The following MALRD1 variants were observed in gnomAD, a reference collection of about 807,000 sequenced individuals.
MALRD1 encodes MAM and LDL-receptor class A domain-containing protein 1.
MALRD1 carries 247 observed loss-of-function variants against 242.1 expected under a neutral mutation model. The observed-to-expected ratio is 1.02, with a 90% CI of 0.92 to 1.13. The LOEUF is 1.13. Among genes scored for constraint, MALRD1 ranks in the 50% most tolerant of loss-of-function variants. The probability of loss-of-function intolerance (pLI) is 0.00; values close to 1 mark genes in which losing one functional copy is unlikely to be tolerated. For missense variants in MALRD1, 2,989 were observed against 2,533.1 expected (o/e 1.18, Z -3.86); for synonymous variants, 995 against 866.6 (o/e 1.15, Z -2.60).
chr10:19,348,075 T>G (rs763955632), intron 25 of MALRD1, 57 bp downstream of exon 25: 15 of 1,503,958 alleles, frequency 1.0e-5, no homozygotes, highest in Non-Finnish European at 1.3e-5. Context: ...GTGAGCAAGT[T>G]TATAAATTGA....
At chr10:19,223,962 G>T (rs1310724377) in intron 18 of MALRD1, among the ~76,000 whole-genome samples, 1 of 152,082 alleles carries the variant, frequency 6.6e-6, no homozygotes, top group Non-Finnish European at 1.5e-5. Flanking sequence ...TGGGCATTTG[G>T]GTTGGTTCCT....
intron 28 of MALRD1, among the ~76,000 whole-genome samples, chr10:19,448,388 G>C (rs1835121612): frequency 6.6e-6 from 1 of 151,956 alleles, no homozygotes; most frequent in African/African-American, 2.4e-5. Context: ...CCAGGACCAA[G>C]GAATATTAAC....
chr10:19,627,675 C>T (rs1839714128), intron 36 of MALRD1, among the ~76,000 whole-genome samples: 1 of 148,942 alleles, frequency 6.7e-6, no homozygotes, highest in South Asian at 2.1e-4. Flanking sequence ...GTAGGAGAAT[C>T]ACTTGAACAC....
intron 31 of MALRD1, among the ~76,000 whole-genome samples, chr10:19,527,021 T>G (rs2131334463): frequency 6.6e-6 from 1 of 152,236 alleles, no homozygotes; most frequent in South Asian, 2.1e-4. Context: ...AGAAAATAAC[T>G]ATGGCTATTT....
At chr10:19,404,335 C>T (rs749802218) in intron 28 of MALRD1, among the ~76,000 whole-genome samples, 6 of 151,800 alleles carry the variant, frequency 4.0e-5, no homozygotes, top group South Asian at 2.1e-4. Context: ...CAGATATCTC[C>T]GTACTTAAAA....
At chr10:19,186,869 A>C (rs1229113393) in intron 14 of MALRD1, among the ~76,000 whole-genome samples, 2 of 152,052 alleles carry the variant, frequency 1.3e-5, no homozygotes, top group Admixed American at 1.3e-4. Flanking sequence ...TTTTCAGGTT[A>C]GCAATGTGTG....
chr10:19,616,379 G>A (rs1255988350), intron 36 of MALRD1, among the ~76,000 whole-genome samples: 1 of 151,956 alleles, frequency 6.6e-6, no homozygotes, highest in Admixed American at 6.6e-5. Context: ...TATAAGTAAA[G>A]TTAAGGTTTA....
chr10:19,180,403 A>C (rs1206725081), intron 14 of MALRD1, among the ~76,000 whole-genome samples: 1 of 152,244 alleles, frequency 6.6e-6, no homozygotes, highest in Admixed American at 6.5e-5. Flanking sequence ...CAGAGAGCTC[A>C]GAAATAAATC....
chr10:19,171,457 T>TATATATATATACAC lies in MALRD1; in HGVS notation c.1831-3750_1831-3749insTATATATATACACA, dbSNP rs1166665866. On this transcript the variant is annotated intron_variant, in intron 13 of 39. Coordinates refer to ENST00000454679, the MANE Select transcript of MALRD1 (RefSeq NM_001142308.3). ...ATATATATATATATATATATATATA[T>TATATATATATACAC]ACACACATGTATATACACACACACA... Among the ~76,000 whole-genome samples the TATATATATATACAC allele has an allele frequency of 4.2e-4, 31 of 74,536 alleles. 2 individuals carry two copies. The highest frequency in any genetic ancestry group is 2.6e-3 in the Admixed American group (17 of 6,570). 48.9% of individuals were successfully genotyped at this position (74,536 alleles called of 152,430 possible).
intron 19 of MALRD1, among the ~76,000 whole-genome samples, chr10:19,268,898 A>G (rs1840078534): frequency 6.6e-6 from 1 of 152,186 alleles, no homozygotes; most frequent in Admixed American, 6.5e-5. Context: ...TGAGACATCT[A>G]CTTATGAAAT....
At position 19,643,168 on chromosome 10, in the gene MALRD1, A is replaced by G. The variant is rs556209446; in HGVS notation, c.6137+27245A>G. ...TTGTTTAAGCCCGGAGCGGTGGCTC[A>G]CGCCTGTAATCCCAGCACTTTGGGA... On this transcript the variant is annotated intron_variant, in intron 36 of 39. Coordinates refer to ENST00000454679, the MANE Select transcript of MALRD1 (RefSeq NM_001142308.3). Among the ~76,000 whole-genome samples, 21 of 152,284 alleles carry G rather than the reference A, an allele frequency of 1.4e-4. 1 individual carries two copies. The South Asian group carries it at 4.4e-3, about 32-fold the overall frequency.
At chr10:19,484,846 C>T (rs1837168719) in intron 29 of MALRD1, among the ~76,000 whole-genome samples, 1 of 152,056 alleles carries the variant, frequency 6.6e-6, no homozygotes, top group African/African-American at 2.4e-5. Flanking sequence ...GAAAAGTAGG[C>T]ATTATTTACA....
intron 14 of MALRD1, among the ~76,000 whole-genome samples, chr10:19,180,764 C>T (rs1371769180): frequency 6.6e-6 from 1 of 152,122 alleles, no homozygotes; most frequent in Non-Finnish European, 1.5e-5. Context: ...AGGAAACACT[C>T]AGCAAAATAA....
intron 18 of MALRD1, among the ~76,000 whole-genome samples, chr10:19,253,879 T>A (rs1274650132): frequency 1.3e-5 from 2 of 151,984 alleles, no homozygotes; most frequent in Non-Finnish European, 2.9e-5. Context: ...ATTGTAATAC[T>A]CACCATGGGT....
chr10:19,592,670 C>T (rs767461972), intron 33 of MALRD1, among the ~76,000 whole-genome samples: 1 of 151,816 alleles, frequency 6.6e-6, no homozygotes, highest in Non-Finnish European at 1.5e-5. Flanking sequence ...AATGCAATGC[C>T]TACCTCCGAA....
chr10:19,590,774 T>G (rs1837737612), intron 33 of MALRD1, among the ~76,000 whole-genome samples: 1 of 152,138 alleles, frequency 6.6e-6, no homozygotes, highest in Admixed American at 6.5e-5. Flanking sequence ...ACAGCAGAAT[T>G]GAGAAGAAAA....
In MALRD1 at chr10:19,100,372, A is replaced by T. The variant is rs189350501; in HGVS notation, c.598-3607A>T. On this transcript the variant is annotated intron_variant, in intron 4 of 39. Transcript: ENST00000454679. ...CATGTAATTTAACAGAATCAAATAA[A>T]CATATAATATCTATGGCAAACTCTA... 1.8e-3 allele frequency among the ~76,000 whole-genome samples: 271 copies of T among 152,318 alleles called. 2 individuals are homozygous for T. Among genetic ancestry groups the T allele is most frequent in the Non-Finnish European group, 3.2e-4 (22 of 68,028 alleles).
intron 28 of MALRD1, among the ~76,000 whole-genome samples, chr10:19,401,766 C>T (rs990604226): frequency 1.3e-5 from 2 of 151,760 alleles, no homozygotes; most frequent in Non-Finnish European, 2.9e-5. Context: ...TGGCAGCCAA[C>T]AGGCACACAC....
At chr10:19,128,774 T>G (rs932062715) in intron 8 of MALRD1, among the ~76,000 whole-genome samples, 17 of 152,108 alleles carry the variant, frequency 1.1e-4, no homozygotes, top group African/African-American at 4.1e-4. Flanking sequence ...CTTACTTGTT[T>G]GGGTAGCAGT....
Sources: gnomAD v4.1 joint callset for allele counts (sites outside exome capture counted in the v4.1 genomes callset) on GRCh38, gnomAD v4.1.1 for gene constraint, MANE v1.5 for transcripts, NCBI Gene and HGNC (gene_info 2026-07-23, HGNC 2026-07-21) for gene names.